SYN3: variants seen among roughly 807,000 people sequenced by gnomAD.
SYN3 encodes the protein synapsin-3.
A neutral mutation model predicts 65.8 loss-of-function variants in SYN3; 35 were observed. That is an observed-to-expected ratio of 0.53 (90% confidence interval 0.41 to 0.70). The LOEUF (loss-of-function observed/expected upper bound fraction) is 0.70. Among genes scored for constraint, SYN3 ranks in the 30% least tolerant of loss-of-function variants. The probability of loss-of-function intolerance (pLI) is 0.00; values close to 1 mark genes in which losing one functional copy is unlikely to be tolerated. For synonymous variants in SYN3, 270 were observed against 292.9 expected (o/e 0.92, Z 0.80); for missense variants, 680 against 749.0 (o/e 0.91, Z 1.08).
intron 4 of SYN3, among the ~76,000 whole-genome samples, chr22:32,891,327 T>C (rs76627446): frequency 0.012 from 1,896 of 152,278 alleles, 22 homozygotes; most frequent in Middle Eastern, 0.031. Flanking sequence ...CCTTTCTGCA[T>C]AAAATCCCTA....
In SYN3 at chr22:32,678,981, T is replaced by C. The variant is rs577582655; in HGVS notation, c.712-82245A>G. On this transcript the variant is annotated intron_variant, in intron 6 of 13. Coordinates refer to ENST00000358763, the MANE Select transcript of SYN3 (RefSeq NM_003490.4). ...TTGTAACAAATATCAGGATTTTTTC[T>C]TTTTTTAAGGCTAAATAATATTCCA... Among the ~76,000 whole-genome samples the C allele has an allele frequency of 1.3e-3, 195 of 152,120 alleles. No individual in the cohort carries two copies. The East Asian group carries it at 0.033, about 26-fold the overall frequency.
intron 6 of SYN3, among the ~76,000 whole-genome samples, chr22:32,717,115 G>T (rs755679554): frequency 6.6e-6 from 1 of 152,102 alleles, no homozygotes; most frequent in Non-Finnish European, 1.5e-5. Flanking sequence ...ACCCTGCAAG[G>T]TAACTATCTG....
chr22:32,858,796 G>T (rs1392035923), intron 6 of SYN3, among the ~76,000 whole-genome samples: 1 of 152,134 alleles, frequency 6.6e-6, no homozygotes, highest in Non-Finnish European at 1.5e-5. Context: ...ACCTAGGGCA[G>T]CTAGACTCCA....
chr22:32,944,504 T>C (rs1405372465), intron 3 of SYN3, among the ~76,000 whole-genome samples: 1 of 152,208 alleles, frequency 6.6e-6, no homozygotes, highest in African/African-American at 2.4e-5. Context: ...CCCTTCATGC[T>C]AAAAACTCTC....
intron 3 of SYN3, among the ~76,000 whole-genome samples, chr22:32,951,448 C>T (rs1335934629): frequency 6.6e-6 from 1 of 152,172 alleles, no homozygotes; most frequent in Non-Finnish European, 1.5e-5. Context: ...GATTTACGTC[C>T]ATCTCAATTA....
At position 32,761,291 on chromosome 22, in the gene SYN3, C is replaced by A. The variant is rs565338711; in HGVS notation, c.711+103624G>T. On this transcript the variant is annotated intron_variant, in intron 6 of 13. Coordinates refer to ENST00000358763, the MANE Select transcript of SYN3 (RefSeq NM_003490.4). Reference sequence around the variant, plus strand: ...AGTTGATTACCAAAAGCTCTCTTTCCTTTGGTTTTTATGAGGAGCAGGAGC... The same window carrying A: ...AGTTGATTACCAAAAGCTCTCTTTCATTTGGTTTTTATGAGGAGCAGGAGC... Among the ~76,000 whole-genome samples, 20 of 152,286 alleles carry A rather than the reference C, an allele frequency of 1.3e-4. No individual in the cohort carries two copies. In the South Asian group the frequency reaches 4.1e-3, roughly 32 times the overall value.
rs553765161 is a variant in SYN3, at chr22:32,856,315, G to T, written c.711+8600C>A. On this transcript the variant is annotated intron_variant, in intron 6 of 13. Coordinates refer to ENST00000358763, the MANE Select transcript of SYN3 (RefSeq NM_003490.4). Reference sequence around the variant, plus strand: ...AGGAGTGTTGTGGGGCAGTTGGAATGGGGGGTATGGCTGGCTGCACAGGAA... The same window carrying T: ...AGGAGTGTTGTGGGGCAGTTGGAATTGGGGGTATGGCTGGCTGCACAGGAA... Among the ~76,000 whole-genome samples, 172 of 152,248 alleles carry T rather than the reference G, an allele frequency of 1.1e-3. 1 individual carries two copies. The highest frequency in any genetic ancestry group is 2.7e-3 in the African/African-American group (113 of 41,544).
At chr22:32,521,520 C>T (rs185170721) in intron 12 of SYN3, among the ~76,000 whole-genome samples, 273 of 149,208 alleles carry the variant, frequency 1.8e-3, no homozygotes, top group African/African-American at 6.4e-3. Flanking sequence ...TCTCGGCTCA[C>T]TGCAACCTCC....
intron 7 of SYN3, among the ~76,000 whole-genome samples, chr22:32,568,733 T>A (rs764706127): frequency 2.0e-5 from 3 of 152,168 alleles, no homozygotes; most frequent in Admixed American, 6.5e-5. Context: ...CTTTAGCATA[T>A]AACATATTTT....
chr22:32,865,359 A>T (rs2048662463), intron 5 of SYN3, among the ~76,000 whole-genome samples: 1 of 152,134 alleles, frequency 6.6e-6, no homozygotes, highest in Non-Finnish European at 1.5e-5. Flanking sequence ...TTCTTTCTAG[A>T]GAGGCAGCGC....
intron 6 of SYN3, among the ~76,000 whole-genome samples, chr22:32,792,384 C>T (rs2046342550): frequency 1.3e-5 from 2 of 152,152 alleles, no homozygotes; most frequent in African/African-American, 4.8e-5. Flanking sequence ...AAAGGAGTCA[C>T]TGATTTACTC....
At chr22:32,616,107 C>A (rs2059516172) in intron 6 of SYN3, among the ~76,000 whole-genome samples, 1 of 152,206 alleles carries the variant, frequency 6.6e-6, no homozygotes, top group Admixed American at 6.5e-5. Flanking sequence ...CTGGACCCAG[C>A]CAGGAGCCGG....
At chr22:32,976,740 T>A (rs2052201626) in intron 3 of SYN3, among the ~76,000 whole-genome samples, 1 of 152,184 alleles carries the variant, frequency 6.6e-6, no homozygotes, top group African/African-American at 2.4e-5. Context: ...TCTTGATTCC[T>A]GGCTCTGTAA....
At chr22:32,762,994 T>C (rs1421776839) in intron 6 of SYN3, among the ~76,000 whole-genome samples, 1 of 152,134 alleles carries the variant, frequency 6.6e-6, no homozygotes, top group Non-Finnish European at 1.5e-5. Context: ...TAAATAACAA[T>C]AGCTACAATA....
chr22:32,678,772 C>G (rs2147101427), intron 6 of SYN3, among the ~76,000 whole-genome samples: 1 of 152,224 alleles, frequency 6.6e-6, no homozygotes, highest in East Asian at 1.9e-4. Flanking sequence ...CAGGACAACT[C>G]TTATGGTTTT....
chr22:32,705,100 T>G (rs998253975), intron 6 of SYN3, among the ~76,000 whole-genome samples: 3 of 152,252 alleles, frequency 2.0e-5, no homozygotes, highest in Non-Finnish European at 2.9e-5. Flanking sequence ...GCAACTGCTT[T>G]TGGTGTCTTC....
At chr22:33,025,245 G>T (rs2053621111) in intron 1 of SYN3, among the ~76,000 whole-genome samples, 1 of 151,816 alleles carries the variant, frequency 6.6e-6, no homozygotes, top group Admixed American at 6.6e-5. Context: ...CATGAGGTCA[G>T]GAGTTCGAGA....
At chr22:32,697,723 C>T (rs1461428880) in intron 6 of SYN3, among the ~76,000 whole-genome samples, 1 of 152,220 alleles carries the variant, frequency 6.6e-6, no homozygotes, top group Admixed American at 6.5e-5. Flanking sequence ...ACAGCCACCA[C>T]CTGGAATGCT....
intron 6 of SYN3, among the ~76,000 whole-genome samples, chr22:32,617,482 T>C (rs1261665933): frequency 2.0e-5 from 3 of 151,720 alleles, no homozygotes; most frequent in Non-Finnish European, 4.4e-5. Context: ...TTTTCTTTTT[T>C]TTTTTTTAAA....
Sources: allele counts gnomAD v4.1 joint callset (sites outside exome capture counted in the v4.1 genomes callset), GRCh38; gene constraint gnomAD v4.1.1; transcripts MANE v1.5; gene names NCBI Gene and HGNC (gene_info 2026-07-23, HGNC 2026-07-21).